The following TYW5 variants were observed in gnomAD, a reference collection of about 807,000 sequenced individuals.
The protein encoded by TYW5 is tRNA wybutosine-synthesizing protein 5.
TYW5 carries 36 observed loss-of-function variants against 44.4 expected under a neutral mutation model. The observed-to-expected ratio is 0.81, with a 90% CI of 0.62 to 1.07. The LOEUF is 1.07. Among genes scored for constraint, TYW5 ranks in the 50% least tolerant of loss-of-function variants. The pLI, the probability that TYW5 is intolerant of heterozygous loss-of-function variation, is 0.00. For missense variants in TYW5, 354 were observed against 365.7 expected, an observed-to-expected ratio of 0.97 and a Z score of 0.26; for synonymous variants, 121 against 128.1, an observed-to-expected ratio of 0.94 and a Z score of 0.37.
Position 199,932,118 on chromosome 2 carries a change from TA to T in TYW5, c.*948del, listed in dbSNP as rs1387807617. ...ATCAGATTAAACATTTGTTTTGCAC[TA>T]ATCACAAAACTAATAATCCAAGTCA... On this transcript the variant is annotated 3_prime_UTR_variant, in exon 8 of 8. Transcript: ENST00000354611. The T allele has an allele frequency of 6.6e-6, 1 of 152,206 alleles. No homozygotes were observed. Among genetic ancestry groups the T allele is most frequent in the Non-Finnish European group, 1.5e-5 (1 of 68,046 alleles). 9.4% of individuals were successfully genotyped at this position (152,206 alleles called of 1,614,324 possible).
rs1221106416 is a variant in TYW5, at chr2:199,931,694, T to C, written c.*1373A>G. Reference sequence around the variant, plus strand: ...TATATATGCTTTTCCTTATTTACTATAATTTATAGGACATGAGTGGATGGA... The same window carrying C: ...TATATATGCTTTTCCTTATTTACTACAATTTATAGGACATGAGTGGATGGA... On this transcript the variant is annotated 3_prime_UTR_variant, in exon 8 of 8. Transcript: ENST00000354611. The C allele has an allele frequency of 6.6e-6, 1 of 152,214 alleles. No individual in the cohort carries two copies. The highest frequency in any genetic ancestry group is 1.9e-4 in the East Asian group (1 of 5,196). 9.4% of individuals were successfully genotyped at this position (152,214 alleles called of 1,614,324 possible).
chr2:199,939,506 G>C (rs1039895032), intron 4 of TYW5, among the ~76,000 whole-genome samples: 1 of 152,126 alleles, frequency 6.6e-6, no homozygotes. Context: ...TAATAGAAAG[G>C]TTCTTTCTAC....
chr2:199,952,759 T>G (rs1318695597), intron 1 of TYW5, among the ~76,000 whole-genome samples: 1 of 152,244 alleles, frequency 6.6e-6, no homozygotes, highest in Non-Finnish European at 1.5e-5. Flanking sequence ...ACCCATATTT[T>G]CTACTAGCAC....
chr2:199,948,786 A>AT (rs2077522219), intron 1 of TYW5, among the ~76,000 whole-genome samples: 1 of 152,226 alleles, frequency 6.6e-6, no homozygotes, highest in South Asian at 2.1e-4. Context: ...AACTTATAAA[A>AT]AAGTTTTAAG....
intron 1 of TYW5, among the ~76,000 whole-genome samples, chr2:199,948,858 C>T (rs1285068953): frequency 6.6e-6 from 1 of 152,138 alleles, no homozygotes; most frequent in Non-Finnish European, 1.5e-5. Context: ...ACATTTTGCA[C>T]ATTTGCTTTA....
rs1218100226 is a variant in TYW5 at position 199,955,450 on chromosome 2, C to T, written c.21G>A (p.Pro7=). 12 of 1,613,842 alleles carry T rather than the reference C, an allele frequency of 7.4e-6. No homozygotes were observed. Among genetic ancestry groups the T allele is most frequent in the Non-Finnish European group, 9.3e-6 (11 of 1,179,960 alleles). The change falls in exon 1 of 8, where the codon CCG becomes CCA. Residue 7 remains proline, a synonymous_variant. Coordinates refer to ENST00000354611, the MANE Select transcript of TYW5 (RefSeq NM_001039693.3). MAGQHL[P]VPRLEGVSRE... ...GAGAAACGCCCTCCAGCCGGGGTACCGGGAGGTGCTGCCCGGCCATGGTTG... is the reference window on the plus strand; with the variant it reads ...GAGAAACGCCCTCCAGCCGGGGTACTGGGAGGTGCTGCCCGGCCATGGTTG...
At chr2:199,937,971 C>T (rs555987213) in intron 5 of TYW5, among the ~76,000 whole-genome samples, 3 of 152,226 alleles carry the variant, frequency 2.0e-5, no homozygotes, top group Non-Finnish European at 2.9e-5. Flanking sequence ...CAACACCAAA[C>T]CATATACCAT....
intron 5 of TYW5, among the ~76,000 whole-genome samples, chr2:199,937,652 G>C (rs1311878641): frequency 6.6e-6 from 1 of 152,100 alleles, no homozygotes. Context: ...CTGGGTGAAA[G>C]AGCAAGACTC....
In TYW5 at chr2:199,929,404, T is replaced by C. The variant is rs1471991830; in HGVS notation, c.*3663A>G. Among the ~76,000 whole-genome samples, 1 of 152,064 alleles carries C rather than the reference T, an allele frequency of 6.6e-6. No homozygotes were observed. The highest frequency in any genetic ancestry group is 1.5e-5 in the Non-Finnish European group (1 of 68,024). ...ACCCAAAAACTTGTGGCTTGTATGCTTGAAACAAGACTAAGGTAACACCAG... is the reference window on the plus strand; with the variant it reads ...ACCCAAAAACTTGTGGCTTGTATGCCTGAAACAAGACTAAGGTAACACCAG... On this transcript the variant is annotated 3_prime_UTR_variant, in exon 8 of 8. Transcript: ENST00000354611.
In TYW5 at chr2:199,933,182, A is replaced by G; in HGVS notation, c.833T>C (p.Ile278Thr). The G allele has an allele frequency of 6.2e-7, 1 of 1,614,136 alleles. No individual in the cohort carries two copies. Among genetic ancestry groups the G allele is most frequent in the Non-Finnish European group, 8.5e-7 (1 of 1,180,024 alleles). The change falls in exon 8 of 8, where the codon ATT becomes ACT. Residue 278 changes from isoleucine to threonine, a missense_variant. By Grantham distance (89) the Ile-to-Thr change is moderately conservative. Coordinates refer to ENST00000354611, the MANE Select transcript of TYW5 (RefSeq NM_001039693.3). ...DPTAASRAAQ[I>T]LDRALKTLAE... ...CAGTGTTTTCAAGGCTCTGTCCAGAATTTGTGCAGCTCTTGATGCTGCTGT... is the reference window on the plus strand; with the variant it reads ...CAGTGTTTTCAAGGCTCTGTCCAGAGTTTGTGCAGCTCTTGATGCTGCTGT...
intron 1 of TYW5, among the ~76,000 whole-genome samples, chr2:199,952,656 G>A (rs1418087383): frequency 6.6e-6 from 1 of 152,136 alleles, no homozygotes. Flanking sequence ...GCATACAAAT[G>A]TTTCATGCAG....
chr2:199,952,667 T>C (rs1347249364), intron 1 of TYW5, among the ~76,000 whole-genome samples: 1 of 152,236 alleles, frequency 6.6e-6, no homozygotes, highest in African/African-American at 2.4e-5. Context: ...TTTCATGCAG[T>C]CAAATTTTAA....
At chr2:199,948,286 G>A in intron 2 of TYW5, 32 bp downstream of exon 2, 1 of 1,608,754 alleles carries the variant, frequency 6.2e-7, no homozygotes, top group Non-Finnish European at 8.5e-7. Flanking sequence ...AAAGTTATTT[G>A]TATCCCCAGA....
chr2:199,948,287 T>C, intron 2 of TYW5, 31 bp downstream of exon 2: 8 of 1,610,244 alleles, frequency 5.0e-6, no homozygotes, highest in Non-Finnish European at 6.8e-6. Flanking sequence ...AAGTTATTTG[T>C]ATCCCCAGAG....
At chr2:199,939,129 G>T in intron 4 of TYW5, 59 bp from the exon 5 acceptor site, 1 of 1,480,732 alleles carries the variant, frequency 6.8e-7, no homozygotes, top group Non-Finnish European at 9.0e-7. Flanking sequence ...TATTAAGGAA[G>T]ACTGGGGCAA....
chr2:199,934,347 A>AT lies in TYW5; in HGVS notation c.692-1025dup, dbSNP rs960839946. Among the ~76,000 whole-genome samples the AT allele has an allele frequency of 6.8e-4, 100 of 148,100 alleles. 1 individual carries two copies. Among genetic ancestry groups the AT allele is most frequent in the African/African-American group, 1.4e-3 (58 of 40,740 alleles). ...TTAAAAATATATGCAAATGTTCAGT[A>AT]TTTTTTTTTTTCTTAAAACAATTGT... On this transcript the variant is annotated intron_variant, in intron 7 of 7. Coordinates refer to ENST00000354611, the MANE Select transcript of TYW5 (RefSeq NM_001039693.3).
At chr2:199,933,357 AACCT>A (rs1356326027) in intron 7 of TYW5, 34 bp from the exon 8 acceptor site, 8 of 1,554,504 alleles carry the variant, frequency 5.1e-6, no homozygotes, top group East Asian at 4.5e-5. Context: ...TTAAAAATAA[AACCT>A]ACAGTTAAAA....
In TYW5 at chr2:199,931,817, A is replaced by T. The variant is rs969527318; in HGVS notation, c.*1250T>A. 6.6e-6 allele frequency: 1 copy of T among 152,170 alleles called. No individual in the cohort carries two copies. Among genetic ancestry groups the T allele is most frequent in the Non-Finnish European group, 1.5e-5 (1 of 68,024 alleles). 9.4% of individuals were successfully genotyped at this position (152,170 alleles called of 1,614,324 possible). A position where few individuals can be genotyped will look rare whatever the true frequency, so the allele number is the denominator to read the frequency against. On this transcript the variant is annotated 3_prime_UTR_variant, in exon 8 of 8. Coordinates refer to ENST00000354611, the MANE Select transcript of TYW5 (RefSeq NM_001039693.3). ...ATGAACACATTTATGTTCAGTGAAGATTATGTGGTCTTCAATGACACTGCA... is the reference window on the plus strand; with the variant it reads ...ATGAACACATTTATGTTCAGTGAAGTTTATGTGGTCTTCAATGACACTGCA...
At chr2:199,943,685 T>C (rs1401000520) in intron 3 of TYW5, 80 bp downstream of exon 3, 1 of 1,117,218 alleles carries the variant, frequency 9.0e-7, no homozygotes, top group African/African-American at 1.6e-5. Flanking sequence ...TGCTCTTGTG[T>C]ATCTACTATT....
Sources: gnomAD v4.1 joint callset for allele counts (sites outside exome capture counted in the v4.1 genomes callset) on GRCh38, gnomAD v4.1.1 for gene constraint, MANE v1.5 for transcripts, NCBI Gene and HGNC (gene_info 2026-07-23, HGNC 2026-07-21) for gene names.